SNX4: variants seen among roughly 807,000 people sequenced by gnomAD.
SNX4 encodes the protein sorting nexin 4, also known as sorting nexin-4.
In SNX4, 49 loss-of-function variants were observed where a neutral mutation model predicts 70.8. That is an observed-to-expected ratio of 0.69 (90% CI 0.55 to 0.88). The LOEUF (loss-of-function observed/expected upper bound fraction) is 0.88, where lower values mean the gene tolerates loss of function less well. Among genes scored for constraint, SNX4 ranks in the 40% least tolerant of loss-of-function variants. The pLI is 0.00. For missense variants in SNX4, 528 were observed against 544.8 expected, an observed-to-expected ratio of 0.97 and a Z score of 0.31; for synonymous variants, 206 against 183.8, an observed-to-expected ratio of 1.12 and a Z score of -0.98.
At chr3:125,497,214 A>G in intron 5 of SNX4, 127 bp downstream of exon 5, 2 of 585,272 alleles carry the variant, frequency 3.4e-6, no homozygotes, top group South Asian at 5.1e-5. Context: ...AAACCTTACC[A>G]ATGATATTTA....
chr3:125,451,047 T>C lies in SNX4; in HGVS notation c.1305+258A>G, dbSNP rs528419286. ...TTGGGAGGCCGAGGCAGGAGGACTA[T>C]ATGAGGCCAGGAGTTCGAGACCAGC... On this transcript the variant is annotated intron_variant, in intron 13 of 13. Coordinates refer to ENST00000251775, the MANE Select transcript of SNX4 (RefSeq NM_003794.4). 8.7e-4 allele frequency among the ~76,000 whole-genome samples: 133 copies of C among 152,192 alleles called. 1 individual carries two copies. The highest frequency in any genetic ancestry group is 1.3e-3 in the Admixed American group (20 of 15,268).
At chr3:125,468,586 C>T (rs1184747928) in intron 9 of SNX4, among the ~76,000 whole-genome samples, 1 of 152,044 alleles carries the variant, frequency 6.6e-6, no homozygotes, top group African/African-American at 2.4e-5. Flanking sequence ...CGGCTCATGC[C>T]TGTAATCCCA....
At position 125,513,658 on chromosome 3, in the gene SNX4, A is replaced by G. The variant is rs150149202; in HGVS notation, c.141+6374T>C. ...TGTTACTATAATGGTATACTTCCTT[A>G]TCACCTTTTTTCTAGGCGTGATGCT... On this transcript the variant is annotated intron_variant, in intron 1 of 13. Transcript: ENST00000251775. Among the ~76,000 whole-genome samples the G allele has an allele frequency of 1.8e-3, 273 of 152,312 alleles. 1 individual carries two copies. Among genetic ancestry groups the G allele is most frequent in the Middle Eastern group, 0.017 (5 of 294 alleles).
chr3:125,520,168 T>G lies in SNX4; in HGVS notation c.5A>C (p.Glu2Ala), dbSNP rs1030783279. The G allele has an allele frequency of 4.9e-5, 64 of 1,303,536 alleles. No individual in the cohort carries two copies. Among genetic ancestry groups the G allele is most frequent in the Non-Finnish European group, 6.2e-5 (63 of 1,023,838 alleles). 80.7% of individuals were successfully genotyped at this position (1,303,536 alleles called of 1,614,324 possible). A position where few individuals can be genotyped will look rare whatever the true frequency, so the allele number is the denominator to read the frequency against. ...CCGCTCGGGGTCCGGAGGTGCCTGCTCCATGGCTGCAGTTCGGCGCGGCGA... is the reference window on the plus strand; with the variant it reads ...CCGCTCGGGGTCCGGAGGTGCCTGCGCCATGGCTGCAGTTCGGCGCGGCGA... M[E>A]QAPPDPERQL... The change falls in exon 1 of 14, where the codon GAG (glutamate) becomes GCG (alanine). Residue 2 changes from glutamate (E) to alanine (A), a missense_variant. This residue lies in a region of SNX4 where 341 missense variants were observed against 312.2 expected (regional missense o/e 1.09). Coordinates refer to ENST00000251775, the MANE Select transcript of SNX4 (RefSeq NM_003794.4).
intron 1 of SNX4, among the ~76,000 whole-genome samples, chr3:125,505,405 T>C (rs1194605003): frequency 2.6e-5 from 4 of 152,158 alleles, no homozygotes; most frequent in African/African-American, 9.7e-5. Flanking sequence ...GCAGACTCTG[T>C]CTGATGTAAG....
At chr3:125,497,198 C>A in intron 5 of SNX4, 143 bp downstream of exon 5, 1 of 537,748 alleles carries the variant, frequency 1.9e-6, no homozygotes, top group South Asian at 3.1e-5. Context: ...TGTAGTGTTT[C>A]TTTGAAAACC....
chr3:125,502,549 G>T (rs908092665), intron 2 of SNX4, among the ~76,000 whole-genome samples: 1 of 151,858 alleles, frequency 6.6e-6, no homozygotes, highest in African/African-American at 2.4e-5. Context: ...CTATGAAAAT[G>T]GTAGGTTAAA....
At chr3:125,471,620 T>A (rs1934176731) in intron 8 of SNX4, among the ~76,000 whole-genome samples, 1 of 152,228 alleles carries the variant, frequency 6.6e-6, no homozygotes, top group African/African-American at 2.4e-5. Flanking sequence ...TTAAGATGAA[T>A]ATTTTAAAAT....
Position 125,520,194 on chromosome 3 carries a change from A to G in SNX4, c.-22T>C. 1 of 1,113,904 alleles carries G rather than the reference A, an allele frequency of 9.0e-7. No homozygotes were observed. Among genetic ancestry groups the G allele is most frequent in the South Asian group, 2.0e-5 (1 of 48,806 alleles). The allele number at this position is 1,113,904 out of a possible 1,614,324, so 69.0% of individuals were successfully genotyped here. A position where few individuals can be genotyped will look rare whatever the true frequency, so the allele number is the denominator to read the frequency against. On this transcript the variant is annotated 5_prime_UTR_variant, in exon 1 of 14. Coordinates refer to ENST00000251775, the MANE Select transcript of SNX4 (RefSeq NM_003794.4). The stretch of plus-strand genomic sequence containing the variant: ...CCATGGCTGCAGTTCGGCGCGGCGA[A>G]CCCAGTGCGCCTGCGCCGCCGCCGC...
At chr3:125,450,773 C>T (rs1445028378) in intron 13 of SNX4, among the ~76,000 whole-genome samples, 3 of 152,204 alleles carry the variant, frequency 2.0e-5, no homozygotes, top group African/African-American at 7.2e-5. Context: ...GGAAGCATAT[C>T]ATAACCAGGT....
Position 125,451,418 on chromosome 3 carries a change from C to T in SNX4, c.1192G>A (p.Glu398Lys), listed in dbSNP as rs777344647. 29 of 1,603,412 alleles carry T rather than the reference C, an allele frequency of 1.8e-5. No homozygotes were observed. In the South Asian group the frequency reaches 3.1e-4, roughly 17 times the overall value. The change falls in exon 13 of 14, where the codon GAA (glutamate) becomes AAA (lysine). Residue 398 changes from glutamate to lysine, a missense_variant and splice_region_variant. Glu to Lys is a moderately conservative substitution (Grantham distance 56). Transcript: ENST00000251775. ...QLKSKNLEGR[E>K]FVKNAWADIE... ...TCAGCCCATGCGTTTTTCACAAATT[C>T]TCTGAAATAAAAGGTATAGCCATTA...
intron 1 of SNX4, among the ~76,000 whole-genome samples, chr3:125,510,406 T>C (rs1053060621): frequency 2.6e-5 from 4 of 152,054 alleles, no homozygotes; most frequent in African/African-American, 7.2e-5. Context: ...TTTTTTTGTA[T>C]TTTTAGTACA....
intron 12 of SNX4, among the ~76,000 whole-genome samples, chr3:125,452,908 C>T (rs951119473): frequency 1.5e-4 from 23 of 152,140 alleles, no homozygotes; most frequent in African/African-American, 5.1e-4. Flanking sequence ...TGAGCTACCG[C>T]GCCCGGCCTG....
In SNX4 at chr3:125,520,080, G is replaced by T; in HGVS notation, c.93C>A (p.Val31=). The change falls in exon 1 of 14, where the codon GTC becomes GTA. Residue 31 remains valine, a synonymous_variant. Coordinates refer to ENST00000251775, the MANE Select transcript of SNX4 (RefSeq NM_003794.4). ...GSPDAGLGAA[V]GKEAEGAGEE... ...CTCCGGCCCCCTCCGCTTCCTTGCC[G>T]ACCGCAGCCCCCAGCCCAGCGTCTG... is the stretch of plus-strand genomic sequence containing the variant. 6.5e-7 allele frequency: 1 copy of T among 1,545,704 alleles called. No individual in the cohort carries two copies. Among genetic ancestry groups the T allele is most frequent in the Non-Finnish European group, 8.7e-7 (1 of 1,149,482 alleles).
Position 125,451,229 on chromosome 3 carries a change from TG to T in SNX4, c.1305+75del. ...AGAAGAATAAAAATGAAAAATTTTT[TG>T]GTCAGGTAATTTAAATACATGTATA... On this transcript the variant is annotated intron_variant, in intron 13 of 13. Transcript: ENST00000251775. 3 of 751,376 alleles carry T rather than the reference TG, an allele frequency of 4.0e-6. No individual in the cohort carries two copies. In the Admixed American group the frequency reaches 8.4e-5, roughly 21 times the overall value. 46.5% of individuals were successfully genotyped at this position (751,376 alleles called of 1,614,324 possible). A position where few individuals can be genotyped will look rare whatever the true frequency, so the allele number is the denominator to read the frequency against.
chr3:125,474,894 T>C (rs1934257083), intron 8 of SNX4, among the ~76,000 whole-genome samples: 1 of 152,196 alleles, frequency 6.6e-6, no homozygotes. Flanking sequence ...ATAAGCATTG[T>C]TCCCAAGCTT....
At chr3:125,505,864 G>C (rs1935033071) in intron 1 of SNX4, among the ~76,000 whole-genome samples, 4 of 152,170 alleles carry the variant, frequency 2.6e-5, no homozygotes, top group Admixed American at 2.6e-4. Flanking sequence ...AGGAGGCTGA[G>C]GCAGGTGGAT....
intron 9 of SNX4, 36 bp from the exon 10 acceptor site, chr3:125,460,896 T>G (rs1341074786): frequency 3.7e-6 from 3 of 808,242 alleles, no homozygotes; most frequent in Admixed American, 3.1e-5. Flanking sequence ...TGCATAGAGT[T>G]ACTTTCATTG....
intron 7 of SNX4, among the ~76,000 whole-genome samples, chr3:125,478,360 G>A (rs921072236): frequency 2.6e-5 from 4 of 151,576 alleles, no homozygotes; most frequent in African/African-American, 9.7e-5. Context: ...ACGAGCCACT[G>A]TGCCTGGCCC....
Sources: allele counts gnomAD v4.1 joint callset (sites outside exome capture counted in the v4.1 genomes callset), GRCh38; gene constraint gnomAD v4.1.1; regional missense constraint gnomAD v4.1.1; transcripts MANE v1.5; gene names NCBI Gene and HGNC (gene_info 2026-07-23, HGNC 2026-07-21).